Variants in SHISA6 observed in about 807,000 individuals in gnomAD.
SHISA6 encodes the protein protein shisa-6.
A neutral mutation model predicts 47.9 loss-of-function variants in SHISA6; 22 were observed. The ratio of observed to expected loss-of-function variants is 0.46; its 90% CI spans 0.33 to 0.66. SHISA6 has a LOEUF of 0.66. Among genes scored for constraint, SHISA6 ranks in the 30% least tolerant of loss-of-function variants. The pLI is 0.02. For missense variants in SHISA6, 680 were observed against 764.6 expected, an observed-to-expected ratio of 0.89 and a Z score of 1.30; for synonymous variants, 388 against 337.8, an observed-to-expected ratio of 1.15 and a Z score of -1.63.
At chr17:11,464,714 A>G (rs989102065) in intron 3 of SHISA6, among the ~76,000 whole-genome samples, 9 of 152,198 alleles carry the variant, frequency 5.9e-5, no homozygotes, top group Non-Finnish European at 1.0e-4. Flanking sequence ...AGGCCAAGGC[A>G]GGTGGATCAC....
intron 3 of SHISA6, among the ~76,000 whole-genome samples, chr17:11,520,256 A>G (rs1041184293): frequency 2.0e-5 from 3 of 152,138 alleles, no homozygotes; most frequent in African/African-American, 7.2e-5. Flanking sequence ...TCTCACCACC[A>G]CCAACTGTGC....
intron 2 of SHISA6, among the ~76,000 whole-genome samples, chr17:11,282,863 G>A (rs1909169458): frequency 6.6e-6 from 1 of 152,158 alleles, no homozygotes; most frequent in Non-Finnish European, 1.5e-5. Flanking sequence ...TGCAAACTGG[G>A]ATTTAGATGG....
chr17:11,522,257 G>GGTGAT (rs2071636359), intron 3 of SHISA6, among the ~76,000 whole-genome samples: 1 of 151,842 alleles, frequency 6.6e-6, no homozygotes, highest in Non-Finnish European at 1.5e-5. Context: ...GAGTCACCAT[G>GGTGAT]CCTGGCCCTA....
intron 2 of SHISA6, among the ~76,000 whole-genome samples, chr17:11,335,389 T>G (rs1284621300): frequency 6.6e-6 from 1 of 152,102 alleles, no homozygotes; most frequent in Non-Finnish European, 1.5e-5. Flanking sequence ...GGCTTACACG[T>G]GAGGACATGA....
chr17:11,293,649 T>C (rs1909631572), intron 2 of SHISA6, among the ~76,000 whole-genome samples: 1 of 151,950 alleles, frequency 6.6e-6, no homozygotes, highest in Admixed American at 6.6e-5. Context: ...GCAAGCATGG[T>C]GATGAGGTTG....
intron 3 of SHISA6, among the ~76,000 whole-genome samples, chr17:11,483,219 T>C (rs1332705511): frequency 6.6e-6 from 1 of 151,744 alleles, no homozygotes; most frequent in Non-Finnish European, 1.5e-5. Flanking sequence ...GAGAATCACT[T>C]GAACTTGGGA....
At chr17:11,279,203 G>T (rs1362419673) in intron 2 of SHISA6, among the ~76,000 whole-genome samples, 1 of 152,134 alleles carries the variant, frequency 6.6e-6, no homozygotes, top group Non-Finnish European at 1.5e-5. Flanking sequence ...CAGCTCCAGG[G>T]CAACCAGAGA....
chr17:11,517,072 A>G (rs2071591907), intron 3 of SHISA6, among the ~76,000 whole-genome samples: 1 of 152,190 alleles, frequency 6.6e-6, no homozygotes, highest in African/African-American at 2.4e-5. Flanking sequence ...ATAATGGTGT[A>G]AGTATCCAGG....
intron 3 of SHISA6, among the ~76,000 whole-genome samples, chr17:11,538,307 C>T (rs866988905): frequency 1.6e-4 from 25 of 152,306 alleles, no homozygotes; most frequent in African/African-American, 5.8e-4. Context: ...GTGATCCACC[C>T]GCTTCGGCCT....
At chr17:11,267,813 AGGAGGTCAGTAT>A (rs1309220889) in intron 2 of SHISA6, among the ~76,000 whole-genome samples, 1 of 152,122 alleles carries the variant, frequency 6.6e-6, no homozygotes, top group Admixed American at 6.6e-5. Context: ...TGAGAGAGGG[AGGAGGTCAGTAT>A]GGAGCTTTGA....
intron 3 of SHISA6, among the ~76,000 whole-genome samples, chr17:11,393,782 T>C (rs1913471617): frequency 6.6e-6 from 1 of 152,212 alleles, no homozygotes; most frequent in Non-Finnish European, 1.5e-5. Flanking sequence ...CATCTAGCCC[T>C]TGCTTAACAC....
chr17:11,342,730 G>T (rs1911579214), intron 2 of SHISA6, among the ~76,000 whole-genome samples: 1 of 152,334 alleles, frequency 6.6e-6, no homozygotes. Flanking sequence ...ATTCTGTGCA[G>T]AAGTGGGCAT....
chr17:11,398,559 C>T (rs1913653477), intron 3 of SHISA6, among the ~76,000 whole-genome samples: 1 of 152,090 alleles, frequency 6.6e-6, no homozygotes, highest in Non-Finnish European at 1.5e-5. Flanking sequence ...GGATGAACTT[C>T]CGCATTCCGA....
chr17:11,245,912 A>G (rs1907564868), intron 1 of SHISA6, among the ~76,000 whole-genome samples: 1 of 152,200 alleles, frequency 6.6e-6, no homozygotes, highest in African/African-American at 2.4e-5. Context: ...CCAGAAATTA[A>G]TTAGAAACTC....
chr17:11,410,487 C>G (rs2142271863), intron 3 of SHISA6, among the ~76,000 whole-genome samples: 1 of 152,184 alleles, frequency 6.6e-6, no homozygotes, highest in East Asian at 1.9e-4. Flanking sequence ...TATTTGAATT[C>G]AGGTCCAATT....
At chr17:11,431,940 A>G (rs1513751) in intron 3 of SHISA6, among the ~76,000 whole-genome samples, 14,033 of 152,022 alleles carry the variant, frequency 0.092, 721 homozygotes, top group Non-Finnish European at 0.11. Flanking sequence ...CCACCCCCAC[A>G]CTCCCATTAT....
At chr17:11,409,680 G>A (rs933946412) in intron 3 of SHISA6, among the ~76,000 whole-genome samples, 1 of 149,700 alleles carries the variant, frequency 6.7e-6, no homozygotes, top group Admixed American at 6.6e-5. Context: ...CTCCAGCCTC[G>A]GGGACAGAGC....
chr17:11,378,270 C>T (rs1051384484), intron 2 of SHISA6, among the ~76,000 whole-genome samples: 3 of 152,180 alleles, frequency 2.0e-5, no homozygotes, highest in Non-Finnish European at 2.9e-5. Context: ...AAATAGCACT[C>T]GTGTTCCTAC....
At chr17:11,456,825 A>AT (rs1452887538) in intron 3 of SHISA6, among the ~76,000 whole-genome samples, 3 of 152,204 alleles carry the variant, frequency 2.0e-5, no homozygotes, top group African/African-American at 7.2e-5. Context: ...CCCAGAGATT[A>AT]TAGAGTGTTA....
Sources: gnomAD v4.1 joint callset for allele counts (sites outside exome capture counted in the v4.1 genomes callset) on GRCh38, gnomAD v4.1.1 for gene constraint, MANE v1.5 for transcripts, NCBI Gene and HGNC (gene_info 2026-07-23, HGNC 2026-07-21) for gene names.